SHANK2: variants seen among roughly 807,000 people sequenced by gnomAD.
SHANK2 encodes SH3 and multiple ankyrin repeat domains 2.
A neutral mutation model predicts 133.7 loss-of-function variants in SHANK2; 43 were observed. That is an observed-to-expected ratio of 0.32 (90% CI 0.25 to 0.41). The LOEUF (loss-of-function observed/expected upper bound fraction) is 0.41, where lower values mean the gene tolerates loss of function less well. Ranked by LOEUF, SHANK2 falls within the 10% of genes least tolerant of loss-of-function variation. The pLI is 1.00. For missense variants in SHANK2, 1,994 were observed against 2,235.8 expected (o/e 0.89, Z 2.18); for synonymous variants, 1,017 against 952.8 (o/e 1.07, Z -1.24).
At chr11:71,088,952 C>A (rs1007475605) in intron 8 of SHANK2, among the ~76,000 whole-genome samples, 31 of 149,714 alleles carry the variant, frequency 2.1e-4, no homozygotes, top group Non-Finnish European at 4.1e-4. Context: ...TTGTGGGTGA[C>A]TGCACCACCC....
intron 15 of SHANK2, among the ~76,000 whole-genome samples, chr11:70,664,198 C>A (rs541272614): frequency 3.2e-4 from 48 of 152,314 alleles, no homozygotes; most frequent in African/African-American, 1.2e-3. Flanking sequence ...CGGCCCCCCA[C>A]AACGAGAACA....
intron 17 of SHANK2, among the ~76,000 whole-genome samples, chr11:70,511,946 G>A (rs2059209459): frequency 6.6e-6 from 1 of 152,234 alleles, no homozygotes; most frequent in South Asian, 2.1e-4. Flanking sequence ...GGATTGTCAT[G>A]ATGAAACCCC....
chr11:70,940,063 G>A (rs1950622980), intron 10 of SHANK2, among the ~76,000 whole-genome samples: 1 of 152,088 alleles, frequency 6.6e-6, no homozygotes, highest in Non-Finnish European at 1.5e-5. Context: ...AGGAGATGAA[G>A]AATGGTTTTT....
At chr11:71,166,881 A>G (rs10897685) in intron 2 of SHANK2, among the ~76,000 whole-genome samples, 16,176 of 116,300 alleles carry the variant, frequency 0.14, 1,356 homozygotes, top group Middle Eastern at 0.24. Flanking sequence ...GGGAAGGTCA[A>G]CAGATAAACA....
At chr11:70,799,411 A>G (rs1290040798) in intron 13 of SHANK2, among the ~76,000 whole-genome samples, 2 of 151,892 alleles carry the variant, frequency 1.3e-5, no homozygotes, top group Admixed American at 1.3e-4. Flanking sequence ...TCAAAAAAAA[A>G]AGAAAGAAAA....
At chr11:70,800,028 T>G (rs551618396) in intron 13 of SHANK2, among the ~76,000 whole-genome samples, 20 of 152,102 alleles carry the variant, frequency 1.3e-4, no homozygotes, top group African/African-American at 4.3e-4. Context: ...CTTAGGGTTT[T>G]TTTTTTGTTT....
At chr11:70,599,899 AAGAAAG>A (rs1259926025) in intron 17 of SHANK2, among the ~76,000 whole-genome samples, 1 of 92,708 alleles carries the variant, frequency 1.1e-5, no homozygotes, top group Non-Finnish European at 2.1e-5. Context: ...AAAAGAAAGA[AAGAAAG>A]AGAAAGAAAG....
chr11:70,875,305 A>G (rs995133627), intron 11 of SHANK2, among the ~76,000 whole-genome samples: 4 of 152,094 alleles, frequency 2.6e-5, no homozygotes, highest in African/African-American at 9.7e-5. Flanking sequence ...CTGCTTTCGG[A>G]ACATGATGAT....
intron 17 of SHANK2, among the ~76,000 whole-genome samples, chr11:70,539,330 G>C (rs942471842): frequency 1.3e-5 from 2 of 152,336 alleles, no homozygotes; most frequent in East Asian, 3.9e-4. Context: ...GACATTAAAT[G>C]ATGTTCTCCA....
rs1368903218 is a variant in SHANK2 at position 70,472,393 on chromosome 11, C to T, written c.*476G>A. The T allele has an allele frequency of 5.4e-6, 1 of 184,994 alleles. No homozygotes were observed. The highest frequency in any genetic ancestry group is 2.4e-5 in the African/African-American group (1 of 42,190). The allele number at this position is 184,994 out of a possible 1,614,324, so 11.5% of individuals were successfully genotyped here. ...TGCAGGAGAAAGAGGGGCAGGTGAGCATCAGGTGTCCTCTGAGAGGCCACA... is the reference window on the plus strand; with the variant it reads ...TGCAGGAGAAAGAGGGGCAGGTGAGTATCAGGTGTCCTCTGAGAGGCCACA... On this transcript the variant is annotated 3_prime_UTR_variant, in exon 26 of 26. Transcript: ENST00000601538. The surrounding 1 kb of genome is among the most constrained non-coding windows in gnomAD (Gnocchi z 4.4).
intron 6 of SHANK2, among the ~76,000 whole-genome samples, chr11:71,097,092 G>T (rs1951628665): frequency 6.6e-6 from 1 of 152,246 alleles, no homozygotes; most frequent in Middle Eastern, 3.4e-3. Context: ...TGGCTTCCAG[G>T]GCCATCCAAT....
intron 17 of SHANK2, among the ~76,000 whole-genome samples, chr11:70,639,477 C>T (rs1176164177): frequency 6.6e-6 from 1 of 152,118 alleles, no homozygotes; most frequent in African/African-American, 2.4e-5. Context: ...GAGGGACCCA[C>T]CTTCATGACC....
chr11:70,826,324 C>A, intron 11 of SHANK2: 2 of 404,394 alleles, frequency 4.9e-6, no homozygotes, highest in South Asian at 3.6e-5. Context: ...GTATCCCAAA[C>A]CAAAGTCATT....
At chr11:71,244,554 C>G (rs1368495298) in intron 1 of SHANK2, among the ~76,000 whole-genome samples, 3 of 152,204 alleles carry the variant, frequency 2.0e-5, no homozygotes, top group African/African-American at 7.2e-5. Flanking sequence ...CAAGCTCATC[C>G]TCTCCCAAGT....
chr11:70,679,707 G>A (rs1555017976), intron 15 of SHANK2, among the ~76,000 whole-genome samples: 1 of 152,270 alleles, frequency 6.6e-6, no homozygotes, highest in Non-Finnish European at 1.5e-5. Flanking sequence ...CTGGAACGGT[G>A]TCTGGCGCAT....
At chr11:70,600,580 T>G (rs985229465) in intron 17 of SHANK2, among the ~76,000 whole-genome samples, 19 of 151,950 alleles carry the variant, frequency 1.3e-4, no homozygotes, top group Admixed American at 4.6e-4. Flanking sequence ...TCAGAGGTAA[T>G]GAAGGTGGTG....
intron 10 of SHANK2, among the ~76,000 whole-genome samples, chr11:70,955,388 T>A (rs1407056290): frequency 1.3e-5 from 2 of 151,366 alleles, no homozygotes; most frequent in Non-Finnish European, 2.9e-5. Context: ...CCCCTATGCT[T>A]CAGCCAGGGT....
At chr11:70,744,587 C>A (rs1379821740) in intron 14 of SHANK2, among the ~76,000 whole-genome samples, 3 of 152,200 alleles carry the variant, frequency 2.0e-5, no homozygotes, top group Non-Finnish European at 4.4e-5. Flanking sequence ...CACAGCAGCT[C>A]CAGTGGTCCT....
At chr11:70,952,780 A>AACTCACC (rs57248851) in intron 10 of SHANK2, 18 of 450,920 alleles carry the variant, frequency 4.0e-5, no homozygotes, top group African/African-American at 8.2e-5. Flanking sequence ...GAAGTGTGGG[A>AACTCACC]ACTGACACCC....
Sources: gnomAD v4.1 joint callset for allele counts (sites outside exome capture counted in the v4.1 genomes callset) on GRCh38, gnomAD v4.1.1 for gene constraint, Gnocchi (gnomAD v3.1) non-coding constraint, MANE v1.5 for transcripts, NCBI Gene and HGNC (gene_info 2026-07-23, HGNC 2026-07-21) for gene names.